Variants in FLT3 observed in about 807,000 individuals in gnomAD.
The protein encoded by FLT3 is receptor-type tyrosine-protein kinase FLT3.
FLT3 carries 46 observed loss-of-function variants against 126.6 expected under a neutral mutation model. That is an observed-to-expected ratio of 0.36 (90% CI 0.29 to 0.46). The LOEUF is 0.46. Ranked by LOEUF, FLT3 falls within the 20% of genes least tolerant of loss-of-function variation. The pLI, the probability that FLT3 is intolerant of heterozygous loss-of-function variation, is 1.00. For synonymous variants in FLT3, 404 were observed against 434.4 expected (o/e 0.93, Z 0.87); for missense variants, 1,069 against 1,190.3 (o/e 0.90, Z 1.50).
At chr13:28,018,661 C>G (rs2137625095) in intron 19 of FLT3, 72 bp from the exon 20 acceptor site, 1 of 1,540,634 alleles carries the variant, frequency 6.5e-7, no homozygotes, top group Middle Eastern at 1.8e-4. Flanking sequence ...TTCTTCTAGA[C>G]TCAACTTCAG....
intron 20 of FLT3, among the ~76,000 whole-genome samples, chr13:28,017,813 C>T (rs556272741): frequency 3.3e-5 from 5 of 152,108 alleles, no homozygotes; most frequent in Middle Eastern, 3.4e-3. Flanking sequence ...TACAGGCACA[C>T]GCCACCACGC....
chr13:28,051,938 C>T (rs369556636), intron 5 of FLT3, among the ~76,000 whole-genome samples: 9 of 151,720 alleles, frequency 5.9e-5, no homozygotes, highest in African/African-American at 1.7e-4. Flanking sequence ...AATCCTGGAA[C>T]GTAGAGGGAC....
chr13:28,075,926 G>C (rs1877895943), intron 1 of FLT3, among the ~76,000 whole-genome samples: 1 of 151,650 alleles, frequency 6.6e-6, no homozygotes, highest in African/African-American at 2.4e-5. Context: ...CTCCCAAGTA[G>C]CTGTGATTAC....
At chr13:28,054,376 A>C (rs1335027318) in intron 4 of FLT3, among the ~76,000 whole-genome samples, 3 of 151,948 alleles carry the variant, frequency 2.0e-5, no homozygotes, top group African/African-American at 7.3e-5. Flanking sequence ...CAACTCTAAC[A>C]GCTTGAGTTC....
chr13:28,018,623 T>C, intron 19 of FLT3, 34 bp from the exon 20 acceptor site: 3 of 1,611,754 alleles, frequency 1.9e-6, no homozygotes, highest in Non-Finnish European at 2.5e-6. Context: ...TTATTTACTG[T>C]GATGTGTATT....
intron 23 of FLT3, among the ~76,000 whole-genome samples, chr13:28,007,774 A>G (rs972424118): frequency 1.3e-5 from 2 of 152,206 alleles, no homozygotes; most frequent in Non-Finnish European, 2.9e-5. Flanking sequence ...CAGGAGATTG[A>G]GGTGAGGATT....
At chr13:28,090,921 T>C (rs996289631) in intron 1 of FLT3, among the ~76,000 whole-genome samples, 4 of 152,052 alleles carry the variant, frequency 2.6e-5, no homozygotes, top group African/African-American at 7.2e-5. Flanking sequence ...AGGACAACTT[T>C]GGAATTGAAA....
intron 20 of FLT3, among the ~76,000 whole-genome samples, chr13:28,016,262 C>T (rs576305712): frequency 1.4e-4 from 20 of 142,304 alleles, no homozygotes; most frequent in Non-Finnish European, 3.0e-5. Context: ...GAGCTTTGTA[C>T]TGATTTTCTT....
rs757670191 is a variant in FLT3, at chr13:28,062,043, C to A, written c.192G>T (p.Gly64=). 2.5e-6 allele frequency: 4 copies of A among 1,612,456 alleles called. No individual in the cohort carries two copies. The South Asian group carries it at 4.4e-5, about 18-fold the overall frequency. Residue 64 remains glycine (G), a synonymous_variant, in exon 3 of 24, where the codon GGG becomes GGT. Transcript: ENST00000241453. ...PMVSESPEDL[G]CALRPQSSGT... ...CTGAGCTCTGGGGTCTCAACGCACA[C>A]CCGAGGTCTTCCGGGGATTCTGATA... is the stretch of plus-strand genomic sequence containing the variant.
Position 28,004,082 on chromosome 13 carries a change from G to A in FLT3, c.2952C>T (p.Leu984=), listed in dbSNP as rs768372769. The A allele has an allele frequency of 1.9e-6, 3 of 1,614,130 alleles. No homozygotes were observed. Among genetic ancestry groups the A allele is most frequent in the South Asian group, 1.1e-5 (1 of 91,074 alleles). ...AATCTTCGACCTGAGCCTGCGGAGAGAGTAGCCCCAAATCCATCTCTCTGC... is the reference window on the plus strand; with the variant it reads ...AATCTTCGACCTGAGCCTGCGGAGAAAGTAGCCCCAAATCCATCTCTCTGC... ...PFSREMDLGL[L]SPQAQVEDS is the part of the protein sequence containing the mutation. Residue 984 remains leucine, a synonymous_variant, in exon 24 of 24, where the codon CTC becomes CTT. Coordinates refer to ENST00000241453, the MANE Select transcript of FLT3 (RefSeq NM_004119.3).
intron 1 of FLT3, among the ~76,000 whole-genome samples, chr13:28,096,639 G>C (rs1200540349): frequency 1.3e-5 from 2 of 152,046 alleles, no homozygotes; most frequent in Non-Finnish European, 2.9e-5. Flanking sequence ...GTTTCACCAT[G>C]TTGGCCAGGC....
chr13:28,088,930 T>C (rs903011385), intron 1 of FLT3, among the ~76,000 whole-genome samples: 1 of 151,984 alleles, frequency 6.6e-6, no homozygotes, highest in Admixed American at 6.6e-5. Context: ...CTGGAGAAAA[T>C]AGTTTGATGA....
intron 3 of FLT3, among the ~76,000 whole-genome samples, chr13:28,060,240 C>CAAA (rs71086821): frequency 1.8e-5 from 2 of 113,064 alleles, no homozygotes; most frequent in African/African-American, 3.4e-5. Flanking sequence ...ACTAAAAATA[C>CAAA]AAAAAAAAAA....
chr13:28,060,305 C>T (rs1876423267), intron 3 of FLT3, among the ~76,000 whole-genome samples: 1 of 150,900 alleles, frequency 6.6e-6, no homozygotes, highest in African/African-American at 2.4e-5. Flanking sequence ...GCTTGTAATC[C>T]CAGCTACTCA....
chr13:28,031,043 G>A (rs539404279), intron 15 of FLT3, among the ~76,000 whole-genome samples: 2 of 152,190 alleles, frequency 1.3e-5, no homozygotes, highest in Middle Eastern at 3.4e-3. Context: ...TGGCTAACAC[G>A]GTGAAACTCT....
intron 1 of FLT3, among the ~76,000 whole-genome samples, chr13:28,071,100 T>G (rs1426434346): frequency 1.3e-5 from 2 of 149,454 alleles, no homozygotes; most frequent in African/African-American, 2.5e-5. Flanking sequence ...GCTCAAGTGA[T>G]TCTCCTGTCT....
chr13:28,025,094 C>T, intron 17 of FLT3, 151 bp from the exon 18 acceptor site: 2 of 616,774 alleles, frequency 3.2e-6, no homozygotes, highest in Non-Finnish European at 2.9e-6. Context: ...TTTTTGTGTA[C>T]ATTAAAAACA....
intron 1 of FLT3, among the ~76,000 whole-genome samples, chr13:28,093,972 C>G (rs550487238): frequency 6.6e-6 from 1 of 152,250 alleles, no homozygotes; most frequent in East Asian, 1.9e-4. Context: ...GCAGGCAAAT[C>G]TTGTGACTCC....
At chr13:28,050,315 A>T in intron 5 of FLT3, 93 bp from the exon 6 acceptor site, 1 of 1,270,252 alleles carries the variant, frequency 7.9e-7, no homozygotes, top group Non-Finnish European at 1.1e-6. Flanking sequence ...AGCCAGTTTT[A>T]AGGGTCAAAT....
Sources: gnomAD v4.1 joint callset for allele counts (sites outside exome capture counted in the v4.1 genomes callset) on GRCh38, gnomAD v4.1.1 for gene constraint, MANE v1.5 for transcripts, NCBI Gene and HGNC (gene_info 2026-07-23, HGNC 2026-07-21) for gene names.